Variants in RCAN2 observed in about 807,000 individuals in gnomAD.
RCAN2 encodes the protein regulator of calcineurin 2, also known as calcipressin-2.
Under a neutral mutation model 23.6 loss-of-function variants are expected in RCAN2, and 9 were observed. That is an observed-to-expected ratio of 0.38 (90% CI 0.23 to 0.67). RCAN2 has a LOEUF of 0.67. Ranked by LOEUF, RCAN2 falls within the 30% of genes least tolerant of loss-of-function variation. The pLI, the probability that RCAN2 is intolerant of heterozygous loss-of-function variation, is 0.51. For missense variants in RCAN2, 273 were observed against 302.3 expected, an observed-to-expected ratio of 0.90 and a Z score of 0.72; for synonymous variants, 109 against 115.7, an observed-to-expected ratio of 0.94 and a Z score of 0.37.
At chr6:46,333,810 TC>T (rs1764059824) in intron 2 of RCAN2, among the ~76,000 whole-genome samples, 1 of 152,238 alleles carries the variant, frequency 6.6e-6, no homozygotes, top group Admixed American at 6.5e-5. Context: ...TGCCTTCCAA[TC>T]TTTTCTCCAG....
intron 2 of RCAN2, among the ~76,000 whole-genome samples, chr6:46,360,914 G>A (rs1216125140): frequency 6.6e-6 from 1 of 152,172 alleles, no homozygotes; most frequent in Non-Finnish European, 1.5e-5. Context: ...TACAATGGAG[G>A]TTGAATAGTG....
chr6:46,391,374 T>C (rs2150398459), intron 2 of RCAN2, among the ~76,000 whole-genome samples: 1 of 152,246 alleles, frequency 6.6e-6, no homozygotes, highest in East Asian at 1.9e-4. Flanking sequence ...TAACTGCAGC[T>C]GATAGGCAGG....
At chr6:46,338,977 T>C (rs1176914138) in intron 2 of RCAN2, among the ~76,000 whole-genome samples, 1 of 124,572 alleles carries the variant, frequency 8.0e-6, no homozygotes, top group Admixed American at 1.1e-4. Flanking sequence ...CTCATGCCAC[T>C]AGACTCCAGC....
At chr6:46,398,660 TG>T (rs1766158550) in intron 2 of RCAN2, among the ~76,000 whole-genome samples, 1 of 152,140 alleles carries the variant, frequency 6.6e-6, no homozygotes, top group Non-Finnish European at 1.5e-5. Flanking sequence ...AACATATTTC[TG>T]GCTAGTAAAA....
intron 1 of RCAN2, among the ~76,000 whole-genome samples, chr6:46,484,082 CT>C (rs1336980797): frequency 6.6e-6 from 1 of 152,130 alleles, no homozygotes; most frequent in Non-Finnish European, 1.5e-5. Context: ...GGACTTTTAG[CT>C]TTAACAGTTA....
At chr6:46,255,049 T>G (rs1297034412) in intron 2 of RCAN2, among the ~76,000 whole-genome samples, 3 of 152,160 alleles carry the variant, frequency 2.0e-5, no homozygotes, top group Non-Finnish European at 4.4e-5. Flanking sequence ...GGTAATAAAT[T>G]TTTATTGTTT....
chr6:46,286,714 A>C (rs1762386844), intron 2 of RCAN2, among the ~76,000 whole-genome samples: 1 of 152,192 alleles, frequency 6.6e-6, no homozygotes, highest in East Asian at 1.9e-4. Context: ...TAGAAAGAGC[A>C]CTTCAAGGCC....
intron 2 of RCAN2, among the ~76,000 whole-genome samples, chr6:46,275,851 C>T (rs1372853714): frequency 6.6e-6 from 1 of 152,172 alleles, no homozygotes; most frequent in East Asian, 1.9e-4. Context: ...AATGCAACAA[C>T]AGTAAAGGAA....
chr6:46,221,953 C>A lies in RCAN2; in HGVS notation c.*1188G>T, dbSNP rs200464954. On this transcript the variant is annotated 3_prime_UTR_variant, in exon 5 of 5. Coordinates refer to ENST00000371374, the MANE Select transcript of RCAN2 (RefSeq NM_001251974.2). ...GCACACGGGTGTCGCGTGAGTAGGA[C>A]CGGCATACATGTAGCTATCATCCTT... The A allele has an allele frequency of 1.0e-5, 4 of 398,386 alleles. No homozygotes were observed. In the East Asian group the frequency reaches 1.4e-4, roughly 14 times the overall value. The allele number at this position is 398,386 out of a possible 1,614,324, so 24.7% of individuals were successfully genotyped here.
chr6:46,454,357 C>G (rs1212042688), intron 2 of RCAN2, among the ~76,000 whole-genome samples: 1 of 152,162 alleles, frequency 6.6e-6, no homozygotes, highest in East Asian at 1.9e-4. Context: ...TGAGATGCCA[C>G]AAGACTCCCC....
intron 2 of RCAN2, among the ~76,000 whole-genome samples, chr6:46,292,432 T>G (rs1228475465): frequency 3.5e-5 from 5 of 144,686 alleles, no homozygotes; most frequent in African/African-American, 7.9e-5. Flanking sequence ...TGTTGTTTTT[T>G]TTTTTGTTTT....
At chr6:46,244,946 G>A (rs1361721493) in intron 4 of RCAN2, among the ~76,000 whole-genome samples, 1 of 152,218 alleles carries the variant, frequency 6.6e-6, no homozygotes. Flanking sequence ...ATGTGTGCTT[G>A]TTTCTGCAAT....
At chr6:46,436,404 G>A (rs1228683562) in intron 2 of RCAN2, among the ~76,000 whole-genome samples, 9 of 152,102 alleles carry the variant, frequency 5.9e-5, no homozygotes, top group South Asian at 4.2e-4. Context: ...TAGTAGAGAC[G>A]GGGTTTCTCC....
At chr6:46,461,205 G>T (rs1768195036) in intron 1 of RCAN2, among the ~76,000 whole-genome samples, 2 of 152,014 alleles carry the variant, frequency 1.3e-5, no homozygotes, top group South Asian at 2.1e-4. Flanking sequence ...CAAAATGGGG[G>T]TCCTGCTGTT....
chr6:46,448,812 G>A (rs534354510), intron 2 of RCAN2, among the ~76,000 whole-genome samples: 20 of 151,764 alleles, frequency 1.3e-4, no homozygotes, highest in African/African-American at 4.8e-4. Context: ...CAATTTAGTT[G>A]TCAAAGGAAT....
At chr6:46,307,810 T>C (rs1005430713) in intron 2 of RCAN2, among the ~76,000 whole-genome samples, 5 of 152,168 alleles carry the variant, frequency 3.3e-5, no homozygotes, top group Non-Finnish European at 1.5e-5. Context: ...TTACCACCTC[T>C]TTTTAGGTCA....
chr6:46,476,756 G>A (rs948019242), intron 1 of RCAN2, among the ~76,000 whole-genome samples: 1 of 152,126 alleles, frequency 6.6e-6, no homozygotes, highest in Non-Finnish European at 1.5e-5. Context: ...CAGCAAGAAA[G>A]ATGAACATAT....
intron 1 of RCAN2, among the ~76,000 whole-genome samples, chr6:46,488,345 G>A (rs986923045): frequency 3.3e-5 from 5 of 152,186 alleles, no homozygotes; most frequent in Admixed American, 2.0e-4. Flanking sequence ...AAGATCAGAT[G>A]TGATAAACCA....
chr6:46,440,458 T>C (rs992353326), intron 2 of RCAN2, among the ~76,000 whole-genome samples: 1 of 152,180 alleles, frequency 6.6e-6, no homozygotes, highest in Non-Finnish European at 1.5e-5. Flanking sequence ...GTGATTTTTT[T>C]CTATTCACAA....
Sources: allele counts gnomAD v4.1 joint callset (sites outside exome capture counted in the v4.1 genomes callset), GRCh38; gene constraint gnomAD v4.1.1; transcripts MANE v1.5; gene names NCBI Gene and HGNC (gene_info 2026-07-23, HGNC 2026-07-21).